HMGB1: variants seen among roughly 807,000 people sequenced by gnomAD.
The protein encoded by HMGB1 is high mobility group protein B1.
For missense variants in HMGB1, 79 were observed against 253.5 expected (o/e 0.31, Z 4.67); for synonymous variants, 81 against 84.0 (o/e 0.96, Z 0.19).
intron 4 of HMGB1, chr13:30,461,801 C>T (rs2137393990): frequency 1.6e-6 from 1 of 633,788 alleles, no homozygotes; most frequent in East Asian, 3.9e-5. Context: ...TTATGTACCA[C>T]ATCCTAACTC....
chr13:30,594,981 T>C (rs995856907), intron 1 of HMGB1, among the ~76,000 whole-genome samples: 87 of 152,194 alleles, frequency 5.7e-4, no homozygotes, highest in Admixed American at 2.7e-3. Flanking sequence ...CAGGTGAATC[T>C]AGGTAAAAGG....
At chr13:30,544,002 C>T (rs940131481) in intron 1 of HMGB1, among the ~76,000 whole-genome samples, 4 of 152,234 alleles carry the variant, frequency 2.6e-5, no homozygotes, top group Non-Finnish European at 2.9e-5. Context: ...CAGAGCTTTA[C>T]TGGTCTGAGA....
chr13:30,531,509 CGTGTGT>C (rs376387192), intron 1 of HMGB1, among the ~76,000 whole-genome samples: 6,907 of 135,606 alleles, frequency 0.051, 183 homozygotes, highest in South Asian at 0.066. Context: ...GTAACATATA[CGTGTGT>C]GTGTGTGTGT....
intron 1 of HMGB1, among the ~76,000 whole-genome samples, chr13:30,546,443 G>A (rs1869162928): frequency 6.6e-6 from 1 of 151,934 alleles, no homozygotes; most frequent in Non-Finnish European, 1.5e-5. Flanking sequence ...GGGGAGAAGT[G>A]GTTTCCTAAC....
At chr13:30,534,428 A>G (rs896185132) in intron 1 of HMGB1, among the ~76,000 whole-genome samples, 4 of 136,020 alleles carry the variant, frequency 2.9e-5, no homozygotes, top group Non-Finnish European at 4.8e-5. Context: ...TAGCTTGATC[A>G]TTAAAATGGT....
intron 1 of HMGB1, among the ~76,000 whole-genome samples, chr13:30,492,073 C>T (rs1417378460): frequency 1.3e-5 from 2 of 151,838 alleles, no homozygotes; most frequent in African/African-American, 4.8e-5. Context: ...GAGGCTGAGG[C>T]AGGAGAATCG....
At chr13:30,478,073 A>G (rs11841825) in intron 1 of HMGB1, among the ~76,000 whole-genome samples, 133 of 152,386 alleles carry the variant, frequency 8.7e-4, no homozygotes, top group African/African-American at 2.9e-3. Context: ...ACAGTCTAAC[A>G]TAAGTACTAC....
chr13:30,513,143 GGGCATCAGA>G (rs1888029206), intron 1 of HMGB1, among the ~76,000 whole-genome samples: 1 of 152,182 alleles, frequency 6.6e-6, no homozygotes, highest in South Asian at 2.1e-4. Context: ...ACTCCAGCCT[GGGCATCAGA>G]GTGAGACTGC....
chr13:30,557,962 G>T (rs1271019530), intron 1 of HMGB1, among the ~76,000 whole-genome samples: 1 of 152,074 alleles, frequency 6.6e-6, no homozygotes, highest in Admixed American at 6.6e-5. Context: ...CCTGTGCTTG[G>T]CTCCCTCCTT....
chr13:30,547,793 T>G (rs933662377), intron 1 of HMGB1, among the ~76,000 whole-genome samples: 5 of 152,008 alleles, frequency 3.3e-5, no homozygotes, highest in Non-Finnish European at 7.4e-5. Flanking sequence ...GGCACACACT[T>G]GTGATCCCAG....
At chr13:30,500,808 C>T (rs961559034) in intron 1 of HMGB1, among the ~76,000 whole-genome samples, 1 of 151,050 alleles carries the variant, frequency 6.6e-6, no homozygotes, top group Non-Finnish European at 1.5e-5. Context: ...ACTGCAAGCT[C>T]CACCTCCCGG....
intron 1 of HMGB1, 28 bp downstream of exon 1, chr13:30,465,767 TC>T: frequency 1.0e-6 from 1 of 983,124 alleles, no homozygotes; most frequent in Admixed American, 6.2e-5. Context: ...GGAGGCGCTC[TC>T]CCCGCCGCGG....
At chr13:30,546,953 A>C (rs536247298) in intron 1 of HMGB1, among the ~76,000 whole-genome samples, 2 of 152,286 alleles carry the variant, frequency 1.3e-5, no homozygotes, top group African/African-American at 2.4e-5. Context: ...GTTAATTACC[A>C]CTGGTCCATG....
chr13:30,572,607 A>C lies in HMGB1; in HGVS notation c.-15+44064T>G, dbSNP rs143659107. The stretch of plus-strand genomic sequence containing the variant: ...TAGTATTTCACCAGAGCAAGATATC[A>C]GAAGGGTAAATCTCTTACCAATGAA... On this transcript the variant is annotated intron_variant, in intron 1 of 4. Coordinates refer to the HMGB1 transcript ENST00000405805. Among the ~76,000 whole-genome samples, 316 of 152,362 alleles carry C rather than the reference A, an allele frequency of 2.1e-3. 1 individual carries two copies. Among genetic ancestry groups the C allele is most frequent in the African/African-American group, 7.3e-3 (305 of 41,586 alleles).
At chr13:30,554,323 A>T in intron 1 of HMGB1, 1 of 989,942 alleles carries the variant, frequency 1.0e-6, no homozygotes, top group South Asian at 1.3e-5. Context: ...ATTGTAGCGA[A>T]GGCACTGGGT....
intron 1 of HMGB1, among the ~76,000 whole-genome samples, chr13:30,538,786 T>TTTTTCTTTCTTC (rs1555238947): frequency 8.5e-5 from 4 of 47,248 alleles, no homozygotes; most frequent in Non-Finnish European, 1.5e-4. Flanking sequence ...TCCTTCTTTC[T>TTTTTCTTTCTTC]TTTTCTTTCT....
chr13:30,463,101 C>G (rs566370254), intron 3 of HMGB1, 106 bp downstream of exon 3: 11 of 1,140,124 alleles, frequency 9.6e-6, no homozygotes, highest in Non-Finnish European at 1.4e-5. Flanking sequence ...AGCTAAGAAA[C>G]TTTGATTGTA....
intron 1 of HMGB1, among the ~76,000 whole-genome samples, chr13:30,482,422 G>C (rs1458532523): frequency 1.3e-5 from 2 of 152,202 alleles, no homozygotes; most frequent in African/African-American, 4.8e-5. Flanking sequence ...GGGGCCAGGA[G>C]GGGGCAGAAA....
chr13:30,531,381 C>G (rs1350705628), intron 1 of HMGB1, among the ~76,000 whole-genome samples: 3 of 152,124 alleles, frequency 2.0e-5, no homozygotes, highest in Non-Finnish European at 4.4e-5. Context: ...TGTATTCACA[C>G]AGAAACCCTA....
Sources: allele counts gnomAD v4.1 joint callset (sites outside exome capture counted in the v4.1 genomes callset), GRCh38; gene constraint gnomAD v4.1.1; transcripts MANE v1.5; gene names NCBI Gene and HGNC (gene_info 2026-07-23, HGNC 2026-07-21).